ASB2: variants seen among roughly 807,000 people sequenced by gnomAD.
The protein encoded by ASB2 is ankyrin repeat and SOCS box containing 2.
Under a neutral mutation model 62.4 loss-of-function variants are expected in ASB2, and 58 were observed. That is an observed-to-expected ratio of 0.93 (90% CI 0.75 to 1.16). The LOEUF (loss-of-function observed/expected upper bound fraction) is 1.16, where lower values mean the gene tolerates loss of function less well. Among genes scored for constraint, ASB2 ranks in the 50% most tolerant of loss-of-function variants. ASB2 has a pLI of 0.00. For synonymous variants in ASB2, 386 were observed against 385.3 expected, an observed-to-expected ratio of 1.00 and a Z score of -0.02; for missense variants, 928 against 887.9, an observed-to-expected ratio of 1.05 and a Z score of -0.57.
At chr14:93,968,818 T>A (rs2141319417) in intron 1 of ASB2, among the ~76,000 whole-genome samples, 1 of 152,246 alleles carries the variant, frequency 6.6e-6, no homozygotes. Context: ...CCCCAGGACC[T>A]AACCCAAGGC....
At chr14:93,938,641 T>C (rs974115811) in intron 8 of ASB2, among the ~76,000 whole-genome samples, 5 of 152,202 alleles carry the variant, frequency 3.3e-5, no homozygotes, top group Admixed American at 2.6e-4. Context: ...TTGACATGCC[T>C]TTCCGGATCG....
chr14:93,953,617 G>C, intron 4 of ASB2, 110 bp from the exon 5 acceptor site: 1 of 980,862 alleles, frequency 1.0e-6, no homozygotes, highest in Admixed American at 3.0e-5. Context: ...GACATCCTCT[G>C]AAATTTACCA....
intron 1 of ASB2, among the ~76,000 whole-genome samples, chr14:93,975,302 C>T (rs1013675100): frequency 6.6e-6 from 1 of 152,238 alleles, no homozygotes; most frequent in East Asian, 1.9e-4. Context: ...CCCTAGGAGT[C>T]ACCAGCCTCC....
chr14:93,934,411 G>C lies in ASB2; in HGVS notation c.*245C>G. ...GGTTTCTGCCATTCCTGAAGGTAGAGAAGGTCTGGGATCTGCTCATCAGTT... is the reference window on the plus strand; with the variant it reads ...GGTTTCTGCCATTCCTGAAGGTAGACAAGGTCTGGGATCTGCTCATCAGTT... On this transcript the variant is annotated 3_prime_UTR_variant, in exon 10 of 10. Transcript: ENST00000555019. 1.9e-6 allele frequency: 1 copy of C among 521,668 alleles called. No individual in the cohort carries two copies. The highest frequency in any genetic ancestry group is 3.2e-5 in the Admixed American group (1 of 31,382). The allele number at this position is 521,668 out of a possible 1,614,324, so 32.3% of individuals were successfully genotyped here. A position where few individuals can be genotyped will look rare whatever the true frequency, so the allele number is the denominator to read the frequency against.
At chr14:93,949,589 C>T (rs1888874359) in intron 6 of ASB2, among the ~76,000 whole-genome samples, 1 of 152,214 alleles carries the variant, frequency 6.6e-6, no homozygotes, top group Non-Finnish European at 1.5e-5. Flanking sequence ...GTGAGCCGCC[C>T]TAACCCTCTG....
At chr14:93,956,959 G>A (rs1396343901) in intron 2 of ASB2, 89 bp from the exon 3 acceptor site, 2 of 1,580,812 alleles carry the variant, frequency 1.3e-6, no homozygotes, top group Non-Finnish European at 8.6e-7. Flanking sequence ...GAGGATGGAG[G>A]GAGAGCCAGG....
intron 8 of ASB2, among the ~76,000 whole-genome samples, 184 bp from the exon 9 acceptor site, chr14:93,938,035 G>A (rs1396634135): frequency 1.3e-5 from 2 of 152,152 alleles, no homozygotes; most frequent in East Asian, 1.9e-4. Flanking sequence ...ACTTGAGCAA[G>A]TCACATCACC....
intron 2 of ASB2, chr14:93,957,223 G>C (rs141689443): frequency 1.2e-5 from 15 of 1,251,684 alleles, no homozygotes; most frequent in African/African-American, 1.5e-5. Context: ...AGCCGTGGTC[G>C]GCAGGTCCCA....
Position 93,939,239 on chromosome 14 carries a change from T to C in ASB2, c.1486A>G (p.Met496Val), listed in dbSNP as rs1284646968. ...GGCTCGCCGTCGCAGCCCAGGTCCA[T>C]GAGGAACTTGAGCAGCGACAGGCAC... is the stretch of plus-strand genomic sequence containing the variant. ...MKCLSLLKFL[M>V]DLGCDGEPCF... The change falls in exon 8 of 10, where the codon ATG becomes GTG. Residue 496 changes from methionine to valine, a missense_variant. Transcript: ENST00000555019. The C allele has an allele frequency of 1.6e-5, 25 of 1,609,590 alleles. No homozygotes were observed. The highest frequency in any genetic ancestry group is 2.1e-5 in the Non-Finnish European group (25 of 1,177,128).
chr14:93,966,042 G>T (rs1420163137), intron 1 of ASB2, among the ~76,000 whole-genome samples: 2 of 152,274 alleles, frequency 1.3e-5, no homozygotes, highest in South Asian at 2.1e-4. Flanking sequence ...TCTGGGAAGA[G>T]GAACTTCTCC....
At chr14:93,948,190 A>G (rs1244221228) in intron 6 of ASB2, 1 of 154,330 alleles carries the variant, frequency 6.5e-6, no homozygotes, top group East Asian at 1.9e-4. Context: ...TCTTATCTCC[A>G]GATTACAGAT....
chr14:93,971,455 A>G, intron 1 of ASB2, among the ~76,000 whole-genome samples: 1 of 152,248 alleles, frequency 6.6e-6, no homozygotes, highest in East Asian at 1.9e-4. Context: ...CCAACAAATG[A>G]CAAGAGCAGC....
chr14:93,943,770 G>T, intron 7 of ASB2: 1 of 351,774 alleles, frequency 2.8e-6, no homozygotes, highest in South Asian at 2.2e-5. Flanking sequence ...ATGAAGTCTT[G>T]AGCTCTGAGC....
chr14:93,955,856 C>T (rs1367410340), intron 3 of ASB2, among the ~76,000 whole-genome samples: 1 of 152,108 alleles, frequency 6.6e-6, no homozygotes, highest in Admixed American at 6.5e-5. Context: ...CCAGCCGTGT[C>T]CTGCAGAGAA....
At position 93,947,337 on chromosome 14, in the gene ASB2, G is replaced by C. The variant is rs1340971335; in HGVS notation, c.1052+12C>G. Reference sequence around the variant, plus strand: ...GGAGAGCTGCCTGGGTGCTGGCGGAGCCTGGGCTGACCTGTAGTTGCCCTT... The same window carrying C: ...GGAGAGCTGCCTGGGTGCTGGCGGACCCTGGGCTGACCTGTAGTTGCCCTT... On this transcript the variant is annotated intron_variant, in intron 7 of 9. Coordinates refer to ENST00000555019, the MANE Select transcript of ASB2 (RefSeq NM_001202429.2). 6.2e-7 allele frequency: 1 copy of C among 1,613,674 alleles called. No homozygotes were observed. The highest frequency in any genetic ancestry group is 8.5e-7 in the Non-Finnish European group (1 of 1,179,922).
chr14:93,941,640 G>A (rs540189007), intron 7 of ASB2: 116 of 456,032 alleles, frequency 2.5e-4, no homozygotes, highest in Admixed American at 2.2e-3. Context: ...GGCGGCCACG[G>A]CCAACAAATG....
Position 93,954,247 on chromosome 14 carries a change from G to A in ASB2, c.478+70C>T, listed in dbSNP as rs1022478874. 3 of 1,214,186 alleles carry A rather than the reference G, an allele frequency of 2.5e-6. No individual in the cohort carries two copies. The African/African-American group carries it at 4.5e-5, about 18-fold the overall frequency. 75.2% of individuals were successfully genotyped at this position (1,214,186 alleles called of 1,614,324 possible). ...GATGATTGTGGGCAAAGAACATGAA[G>A]CCCCAGGAGCGGCAGCCCTTCCCCT... On this transcript the variant is annotated intron_variant, in intron 4 of 9. Coordinates refer to ENST00000555019, the MANE Select transcript of ASB2 (RefSeq NM_001202429.2).
intron 1 of ASB2, 26 bp downstream of exon 1, chr14:93,976,408 A>G (rs548802139): frequency 6.6e-5 from 10 of 152,382 alleles, no homozygotes; most frequent in African/African-American, 2.2e-4. Flanking sequence ...CAAGATCTGT[A>G]TAAGAAAGTT....
At chr14:93,938,999 T>G (rs1239311601) in intron 8 of ASB2, 109 bp downstream of exon 8, 16 of 995,046 alleles carry the variant, frequency 1.6e-5, no homozygotes, top group African/African-American at 1.7e-5. Context: ...TAGTCCACGC[T>G]GCTCCCAAGG....
Sources: allele counts gnomAD v4.1 joint callset (sites outside exome capture counted in the v4.1 genomes callset), GRCh38; gene constraint gnomAD v4.1.1; transcripts MANE v1.5; gene names NCBI Gene and HGNC (gene_info 2026-07-23, HGNC 2026-07-21).